Variants in NID2 observed in about 807,000 individuals in gnomAD.
NID2 encodes the protein nidogen 2.
Under a neutral mutation model 145.4 loss-of-function variants are expected in NID2, and 83 were observed. The observed-to-expected ratio is 0.57, with a 90% CI of 0.48 to 0.69. The LOEUF (loss-of-function observed/expected upper bound fraction) is 0.69. Ranked by LOEUF, NID2 falls within the 30% of genes least tolerant of loss-of-function variation. NID2 has a pLI of 0.00. For missense variants in NID2, 1,807 were observed against 1,765.7 expected, an observed-to-expected ratio of 1.02 and a Z score of -0.42; for synonymous variants, 739 against 701.3, an observed-to-expected ratio of 1.05 and a Z score of -0.85.
rs374939216 is a variant in NID2 at position 52,015,142 on chromosome 14, G to A, written c.3162C>T (p.Cys1054=). 1,115 of 1,614,082 alleles carry A rather than the reference G, an allele frequency of 6.9e-4. 9 individuals are homozygous for A. In the South Asian group the frequency reaches 0.011, roughly 17 times the overall value. The change falls in exon 15 of 22, where the codon TGC becomes TGT. Residue 1054 remains cysteine (C), a synonymous_variant. Transcript: ENST00000216286. ...ACCAGCAGAAGTCGCTCTTTCCGTG[G>A]CACTGCAGGGGGATGAAGTGGCCCA... ...DDLGHFIPLQ[C]HGKSDFCWCV... is the part of the protein sequence containing the mutation.
intron 12 of NID2, among the ~76,000 whole-genome samples, chr14:52,023,246 G>C (rs570736246): frequency 3.6e-4 from 55 of 152,192 alleles, no homozygotes; most frequent in Admixed American, 1.4e-3. Context: ...GGAGGCTGAG[G>C]GGGGTAGATC....
In NID2 at chr14:52,040,846, C is replaced by A. The variant is rs200215158; in HGVS notation, c.1831G>T (p.Ala611Ser). The change falls in exon 8 of 22, where the codon GCC (alanine) becomes TCC (serine). Residue 611 changes from alanine (A) to serine (S), a missense_variant. By Grantham distance (99) the Ala-to-Ser change is moderately conservative (BLOSUM62 1). Transcript: ENST00000216286. ...SENGFSLAGA[A>S]FTHDMEVTFY... is the part of the protein sequence containing the mutation. Reference sequence around the variant, plus strand: ...GTAACTTCCATGTCATGGGTAAAGGCAGCACCTGGAGATGAAAAACATTCA... The same window carrying A: ...GTAACTTCCATGTCATGGGTAAAGGAAGCACCTGGAGATGAAAAACATTCA... The A allele has an allele frequency of 5.0e-6, 8 of 1,614,012 alleles. No individual in the cohort carries two copies. The highest frequency in any genetic ancestry group is 6.8e-6 in the Non-Finnish European group (8 of 1,180,008).
rs3030384 is a variant in NID2 at position 52,032,804 on chromosome 14, G to GAAAAAAAAAAAA, written c.2258-3126_2258-3115dup. Among the ~76,000 whole-genome samples the GAAAAAAAAAAAA allele has an allele frequency of 6.1e-4, 86 of 141,838 alleles. 1 individual carries two copies. The highest frequency in any genetic ancestry group is 2.3e-3 in the African/African-American group (84 of 37,216). 93.1% of individuals were successfully genotyped at this position (141,838 alleles called of 152,430 possible). On this transcript the variant is annotated intron_variant, in intron 9 of 21. Coordinates refer to ENST00000216286, the MANE Select transcript of NID2 (RefSeq NM_007361.4). ...CTTACCACCCTGCTAGGCATTAAAA[G>GAAAAAAAAAAAA]AAAAAAAAAAAATCTCAGCTCAAAA...
intron 8 of NID2, among the ~76,000 whole-genome samples, chr14:52,039,459 G>T (rs35931753): frequency 0.54 from 82,094 of 152,086 alleles, 22,524 homozygotes; most frequent in Middle Eastern, 0.59. Context: ...CCAACACCTC[G>T]CACTTCAGTA....
intron 9 of NID2, among the ~76,000 whole-genome samples, chr14:52,030,632 GAAAGAGAAAGAA>G (rs1307254642): frequency 7.3e-6 from 1 of 137,764 alleles, no homozygotes; most frequent in African/African-American, 2.6e-5. Flanking sequence ...GAAAGAGAAA[GAAAGAGAAAGAA>G]AAAGAGAAAG....
intron 18 of NID2, chr14:52,010,565 C>T (rs1407736942): frequency 4.6e-6 from 1 of 217,046 alleles, no homozygotes. Flanking sequence ...GAGGCCTCGC[C>T]TGATCATTTG....
chr14:52,067,193 A>G (rs963206274), intron 2 of NID2, among the ~76,000 whole-genome samples: 3 of 152,222 alleles, frequency 2.0e-5, no homozygotes, highest in African/African-American at 7.2e-5. Context: ...TAATGGCCCA[A>G]CACTGGTTGA....
intron 12 of NID2, among the ~76,000 whole-genome samples, chr14:52,025,914 T>C (rs1330705884): frequency 6.6e-6 from 1 of 152,198 alleles, no homozygotes. Flanking sequence ...AAAGTATCTA[T>C]TTAGTGAAAG....
intron 6 of NID2, 97 bp from the exon 7 acceptor site, chr14:52,042,447 C>G (rs1463396724): frequency 7.1e-7 from 1 of 1,401,518 alleles, no homozygotes; most frequent in African/African-American, 1.4e-5. Flanking sequence ...CCAAAACTCA[C>G]TCTTTAGCAA....
At chr14:52,056,592 T>G (rs954968836) in intron 3 of NID2, among the ~76,000 whole-genome samples, 2 of 151,880 alleles carry the variant, frequency 1.3e-5, no homozygotes, top group African/African-American at 4.8e-5. Context: ...GGTTAGGAGT[T>G]CAAGACCAGC....
rs1566755869 is a variant in NID2, at chr14:52,030,604, AAG to A, written c.2258-916_2258-915del. Among the ~76,000 whole-genome samples, 31 of 121,982 alleles carry A rather than the reference AAG, an allele frequency of 2.5e-4. 1 individual carries two copies. The highest frequency in any genetic ancestry group is 1.9e-3 in the Admixed American group (21 of 10,830). The allele number at this position is 121,982 out of a possible 152,430, so 80.0% of individuals were successfully genotyped here. On this transcript the variant is annotated intron_variant, in intron 9 of 21. Coordinates refer to ENST00000216286, the MANE Select transcript of NID2 (RefSeq NM_007361.4). ...AAAGAAAGAAAGAAAGAAAGAAAGAAAGAGAAAGAAAAAGAAAGAAAGAGAAA... is the reference window on the plus strand; with the variant it reads ...AAAGAAAGAAAGAAAGAAAGAAAGAAAGAAAGAAAAAGAAAGAAAGAGAAA...
intron 6 of NID2, among the ~76,000 whole-genome samples, 170 bp downstream of exon 6, chr14:52,042,612 C>G (rs1202649888): frequency 6.6e-6 from 1 of 152,210 alleles, no homozygotes; most frequent in Non-Finnish European, 1.5e-5. Flanking sequence ...AATTGGGAAT[C>G]AGCCCAAACC....
Position 52,042,946 on chromosome 14 carries a change from A to T in NID2, c.1430-15T>A. 3 of 1,613,924 alleles carry T rather than the reference A, an allele frequency of 1.9e-6. No homozygotes were observed. Among genetic ancestry groups the T allele is most frequent in the Non-Finnish European group, 2.5e-6 (3 of 1,179,894 alleles). On this transcript the variant is annotated splice_polypyrimidine_tract_variant and intron_variant, in intron 5 of 21. Coordinates refer to ENST00000216286, the MANE Select transcript of NID2 (RefSeq NM_007361.4). ...ATACGTGAAGACTGAAAAATAAAAC[A>T]AACTTGCCTTAAAAGGACTAAATGA...
intron 10 of NID2, 93 bp from the exon 11 acceptor site, chr14:52,028,943 G>A (rs1002949216): frequency 2.1e-5 from 26 of 1,219,642 alleles, no homozygotes; most frequent in Non-Finnish European, 2.9e-5. Context: ...CTAGTATGAT[G>A]CTTCAATGGG....
intron 8 of NID2, 55 bp from the exon 9 acceptor site, chr14:52,039,032 G>T (rs1278329865): frequency 3.9e-6 from 5 of 1,275,240 alleles, no homozygotes; most frequent in Non-Finnish European, 5.4e-6. Flanking sequence ...AGATTTTCAT[G>T]TGAGGTGGAT....
At chr14:52,062,059 G>C (rs112284689) in intron 2 of NID2, among the ~76,000 whole-genome samples, 1 of 152,200 alleles carries the variant, frequency 6.6e-6, no homozygotes, top group African/African-American at 2.4e-5. Flanking sequence ...GGAAGGAATG[G>C]GCTCTTCCCT....
intron 11 of NID2, among the ~76,000 whole-genome samples, chr14:52,028,288 T>G (rs1167624037): frequency 2.0e-5 from 3 of 151,954 alleles, no homozygotes; most frequent in Non-Finnish European, 4.4e-5. Context: ...TTTTTTTGTT[T>G]TTTTGAGACA....
Position 52,005,490 on chromosome 14 carries a change from T to TC in NID2, c.4123_4124insG (p.Lys1375ArgfsTer7), listed in dbSNP as rs1890735373. On this transcript the variant is annotated frameshift_variant, in exon 22 of 22. Transcript: ENST00000216286. LOFTEE classifies it high-confidence loss of function. The stretch of plus-strand genomic sequence containing the variant: ...TCTTCCTTTACATTACTGTACTTAC[T>TC]TTCTTCCTGTGAGAGAAGAGCAGGG... 6.3e-7 allele frequency: 1 copy of TC among 1,598,118 alleles called. No homozygotes were observed. The highest frequency in any genetic ancestry group is 1.4e-5 in the African/African-American group (1 of 74,034).
chr14:52,055,519 C>G (rs58092801), intron 3 of NID2, among the ~76,000 whole-genome samples: 3,209 of 152,250 alleles, frequency 0.021, 37 homozygotes, highest in Middle Eastern at 0.041. Flanking sequence ...CTTCTGGAAA[C>G]AGCTCTCTCG....
Sources: allele counts gnomAD v4.1 joint callset (sites outside exome capture counted in the v4.1 genomes callset), GRCh38; gene constraint gnomAD v4.1.1; transcripts MANE v1.5; gene names NCBI Gene and HGNC (gene_info 2026-07-23, HGNC 2026-07-21).